The following SSBP2 variants were observed in gnomAD, a reference collection of about 807,000 sequenced individuals.
The protein encoded by SSBP2 is single stranded DNA binding protein 2.
SSBP2 carries 17 observed loss-of-function variants against 61.8 expected under a neutral mutation model. The ratio of observed to expected loss-of-function variants is 0.28; its 90% CI spans 0.19 to 0.41. The LOEUF (loss-of-function observed/expected upper bound fraction) is 0.41. SSBP2 is among the 10% of genes least tolerant of loss of function. The pLI is 1.00. For missense variants in SSBP2, 310 were observed against 458.7 expected (o/e 0.68, Z 2.96); for synonymous variants, 139 against 141.3 (o/e 0.98, Z 0.12).
intron 1 of SSBP2, among the ~76,000 whole-genome samples, chr5:81,692,496 T>C (rs1753280282): frequency 6.6e-6 from 1 of 151,986 alleles, no homozygotes; most frequent in African/African-American, 2.4e-5. Context: ...TTCACAGAAA[T>C]AGAGAACATT....
rs75513725 is a variant in SSBP2 at position 81,560,627 on chromosome 5, C to T, written c.283-46910G>A. ...CATCCAGAGAGAAGCAGCTCTGGAACGCCTAAGAATATTCTTAGATTTTGT... is the reference window on the plus strand; with the variant it reads ...CATCCAGAGAGAAGCAGCTCTGGAATGCCTAAGAATATTCTTAGATTTTGT... On this transcript the variant is annotated intron_variant, in intron 4 of 16. Coordinates refer to ENST00000320672, the MANE Select transcript of SSBP2 (RefSeq NM_012446.5). Among the ~76,000 whole-genome samples the T allele has an allele frequency of 8.8e-3, 1,338 of 152,220 alleles. 29 individuals are homozygous for T. The highest frequency in any genetic ancestry group is 0.031 in the African/African-American group (1,275 of 41,530).
intron 1 of SSBP2, among the ~76,000 whole-genome samples, chr5:81,667,288 C>CACACAT (rs1554108647): frequency 9.1e-4 from 22 of 24,072 alleles, no homozygotes; most frequent in African/African-American, 2.9e-3. Flanking sequence ...GATACAGATA[C>CACACAT]ACACACACAC....
chr5:81,478,736 G>A (rs565172328), intron 6 of SSBP2, among the ~76,000 whole-genome samples: 12 of 152,252 alleles, frequency 7.9e-5, no homozygotes, highest in Admixed American at 5.9e-4. Context: ...TTCCCAAAGC[G>A]CTGGGATTAT....
intron 5 of SSBP2, among the ~76,000 whole-genome samples, chr5:81,490,872 T>C (rs908091839): frequency 2.6e-5 from 4 of 152,220 alleles, no homozygotes; most frequent in Non-Finnish European, 5.9e-5. Flanking sequence ...TCAGGTAGTA[T>C]TGTCACCTCC....
intron 1 of SSBP2, among the ~76,000 whole-genome samples, chr5:81,661,491 T>C (rs1160247043): frequency 4.7e-5 from 7 of 150,130 alleles, no homozygotes; most frequent in Admixed American, 4.6e-4. Flanking sequence ...TTCCCTTTCA[T>C]CCACATCCTC....
rs1313067312 is a variant in SSBP2, at chr5:81,415,285, C to T, written c.*5219G>A. 3 of 152,210 alleles carry T rather than the reference C, an allele frequency of 2.0e-5. No homozygotes were observed. The highest frequency in any genetic ancestry group is 2.9e-5 in the Non-Finnish European group (2 of 68,040). The allele number at this position is 152,210 out of a possible 1,614,324, so 9.4% of individuals were successfully genotyped here. A position where few individuals can be genotyped will look rare whatever the true frequency, so the allele number is the denominator to read the frequency against. ...TTCAAAGACAGAGAACTACAGTTGT[C>T]CCTCCGTATCCAAGGGAGACCGGTT... On this transcript the variant is annotated 3_prime_UTR_variant, in exon 17 of 17. Transcript: ENST00000320672.
intron 4 of SSBP2, 157 bp downstream of exon 4, chr5:81,615,316 C>T: frequency 1.6e-6 from 1 of 643,748 alleles, no homozygotes; most frequent in Non-Finnish European, 2.7e-6. Context: ...CTTTCTATTT[C>T]ACATTTAAAG....
chr5:81,612,772 T>A (rs1219604731), intron 4 of SSBP2, among the ~76,000 whole-genome samples: 3 of 152,044 alleles, frequency 2.0e-5, no homozygotes, highest in Non-Finnish European at 4.4e-5. Flanking sequence ...ATTAAAGTAT[T>A]TTAAAATTCA....
chr5:81,493,506 A>G (rs1767045242), intron 5 of SSBP2, among the ~76,000 whole-genome samples: 1 of 152,130 alleles, frequency 6.6e-6, no homozygotes, highest in African/African-American at 2.4e-5. Context: ...CTGTAATCCC[A>G]ACACTTTGGG....
At chr5:81,681,925 T>C (rs1561686653) in intron 1 of SSBP2, among the ~76,000 whole-genome samples, 1 of 152,188 alleles carries the variant, frequency 6.6e-6, no homozygotes, top group African/African-American at 2.4e-5. Context: ...TAATAAATAC[T>C]ATGAACACCT....
At chr5:81,494,263 CATAAG>C (rs1336807167) in intron 5 of SSBP2, among the ~76,000 whole-genome samples, 1 of 152,136 alleles carries the variant, frequency 6.6e-6, no homozygotes, top group Non-Finnish European at 1.5e-5. Flanking sequence ...AGGAAAAACT[CATAAG>C]GTAAGCTTAT....
chr5:81,488,042 T>TA (rs1411833268), intron 6 of SSBP2, among the ~76,000 whole-genome samples: 825 of 24,192 alleles, frequency 0.034, 82 homozygotes, highest in African/African-American at 0.047. Flanking sequence ...TATATATATA[T>TA]ATATATATAT....
intron 1 of SSBP2, among the ~76,000 whole-genome samples, chr5:81,701,920 G>A (rs1396100115): frequency 4.6e-5 from 7 of 152,112 alleles, no homozygotes; most frequent in Non-Finnish European, 1.0e-4. Flanking sequence ...TTAATACATA[G>A]TAGTTAATGA....
intron 1 of SSBP2, among the ~76,000 whole-genome samples, chr5:81,734,699 C>T (rs1756478942): frequency 6.6e-6 from 1 of 152,056 alleles, no homozygotes; most frequent in Non-Finnish European, 1.5e-5. Flanking sequence ...TGGCCGGGCG[C>T]GGTGGCTCAC....
intron 16 of SSBP2, among the ~76,000 whole-genome samples, chr5:81,424,295 AC>A (rs747252210): frequency 2.6e-5 from 4 of 151,970 alleles, no homozygotes; most frequent in Non-Finnish European, 4.4e-5. Flanking sequence ...ATGGTGGCAC[AC>A]GCCTGTAATC....
chr5:81,427,118 C>T (rs1198313071), intron 16 of SSBP2, among the ~76,000 whole-genome samples: 1 of 152,090 alleles, frequency 6.6e-6, no homozygotes, highest in African/African-American at 2.4e-5. Context: ...TGAATTATAC[C>T]ACTTTATTGC....
intron 1 of SSBP2, among the ~76,000 whole-genome samples, chr5:81,732,340 T>C (rs1450423673): frequency 6.6e-6 from 1 of 152,090 alleles, no homozygotes; most frequent in Non-Finnish European, 1.5e-5. Context: ...TGTAACAGAG[T>C]AACAATAATT....
intron 1 of SSBP2, among the ~76,000 whole-genome samples, chr5:81,654,957 C>A (rs1167202882): frequency 6.6e-6 from 1 of 151,690 alleles, no homozygotes; most frequent in East Asian, 1.9e-4. Context: ...GGCAACACAG[C>A]AAAACCCCAT....
chr5:81,515,782 G>A (rs750948436), intron 4 of SSBP2, among the ~76,000 whole-genome samples: 18 of 150,644 alleles, frequency 1.2e-4, no homozygotes, highest in Non-Finnish European at 1.6e-4. Flanking sequence ...ATGTTTCCTG[G>A]GTTTTTTTTC....
Sources: gnomAD v4.1 joint callset for allele counts (sites outside exome capture counted in the v4.1 genomes callset) on GRCh38, gnomAD v4.1.1 for gene constraint, MANE v1.5 for transcripts, NCBI Gene and HGNC (gene_info 2026-07-23, HGNC 2026-07-21) for gene names.